SHB: variants seen among roughly 807,000 people sequenced by gnomAD.
SHB encodes SH2 domain-containing adapter protein B.
SHB carries 20 observed loss-of-function variants against 52.3 expected under a neutral mutation model. The ratio of observed to expected loss-of-function variants is 0.38; its 90% CI spans 0.27 to 0.56. SHB has a LOEUF of 0.56. Among genes scored for constraint, SHB ranks in the 20% least tolerant of loss-of-function variants. The pLI, the probability that SHB is intolerant of heterozygous loss-of-function variation, is 0.71. For missense variants in SHB, 825 were observed against 723.3 expected, an observed-to-expected ratio of 1.14 and a Z score of -1.61; for synonymous variants, 397 against 316.5, an observed-to-expected ratio of 1.25 and a Z score of -2.70.
intron 2 of SHB, among the ~76,000 whole-genome samples, chr9:38,012,044 G>A (rs58800747): frequency 7.2e-5 from 11 of 152,274 alleles, no homozygotes; most frequent in African/African-American, 2.6e-4. Flanking sequence ...GATAAGCTGA[G>A]GCATTTAGAG....
intron 2 of SHB, among the ~76,000 whole-genome samples, chr9:38,004,119 G>A (rs989682807): frequency 1.3e-5 from 2 of 152,172 alleles, no homozygotes; most frequent in South Asian, 2.1e-4. Flanking sequence ...CAGCTGTTGC[G>A]GAAGCCTCTG....
intron 2 of SHB, 30 bp from the exon 3 acceptor site, chr9:37,974,867 G>A (rs188090973): frequency 1.3e-6 from 2 of 1,563,064 alleles, no homozygotes; most frequent in Non-Finnish European, 1.8e-6. Flanking sequence ...AAGCAGAGAT[G>A]AAATGGATAC....
At position 38,027,451 on chromosome 9, in the gene SHB, T is replaced by C. The variant is rs1474644580; in HGVS notation, c.718-11320A>G. 2.0e-5 allele frequency among the ~76,000 whole-genome samples: 3 copies of C among 152,068 alleles called. No individual in the cohort carries two copies. The East Asian group carries it at 5.8e-4, about 29-fold the overall frequency. ...CACAGAAAAGATGCTGCTCTTATCCTCTAGAGGCCACAGGCCATGCCTTTT... is the reference window on the plus strand; with the variant it reads ...CACAGAAAAGATGCTGCTCTTATCCCCTAGAGGCCACAGGCCATGCCTTTT... On this transcript the variant is annotated intron_variant, in intron 1 of 5. Transcript: ENST00000377707.
At chr9:38,063,497 TC>T (rs1303311842) in intron 1 of SHB, among the ~76,000 whole-genome samples, 1 of 152,166 alleles carries the variant, frequency 6.6e-6, no homozygotes, top group Non-Finnish European at 1.5e-5. Flanking sequence ...TCTTCCCCAC[TC>T]CCCTGCCTTG....
chr9:38,006,190 C>T (rs1385284987), intron 2 of SHB, among the ~76,000 whole-genome samples: 3 of 152,170 alleles, frequency 2.0e-5, no homozygotes, highest in East Asian at 1.9e-4. Flanking sequence ...GTGGGCCCTT[C>T]CACCACACCT....
intron 3 of SHB, among the ~76,000 whole-genome samples, chr9:37,958,050 G>C (rs142852370): frequency 1.2e-4 from 18 of 152,336 alleles, no homozygotes; most frequent in African/African-American, 4.1e-4. Context: ...GTTCTGACTG[G>C]GCGCTTCCTT....
intron 1 of SHB, among the ~76,000 whole-genome samples, chr9:38,019,295 A>G (rs1471605915): frequency 6.6e-6 from 1 of 152,208 alleles, no homozygotes; most frequent in Admixed American, 6.5e-5. Flanking sequence ...CAGGGCTTCC[A>G]CAGGTTTGTC....
At chr9:38,043,826 T>G (rs1435583680) in intron 1 of SHB, among the ~76,000 whole-genome samples, 1 of 150,132 alleles carries the variant, frequency 6.7e-6, no homozygotes, top group African/African-American at 2.5e-5. Flanking sequence ...GAGGTGGAGG[T>G]TGAGGTGAGC....
chr9:37,951,283 T>A (rs1832564018), intron 4 of SHB, among the ~76,000 whole-genome samples: 1 of 152,194 alleles, frequency 6.6e-6, no homozygotes, highest in South Asian at 2.1e-4. Context: ...ACAGACCCCT[T>A]TCTTTCTAAA....
intron 2 of SHB, among the ~76,000 whole-genome samples, chr9:37,994,386 T>C (rs1158144860): frequency 6.6e-6 from 1 of 152,232 alleles, no homozygotes; most frequent in Non-Finnish European, 1.5e-5. Context: ...TTAGAATAAA[T>C]GCAAATGTAA....
intron 5 of SHB, among the ~76,000 whole-genome samples, chr9:37,935,641 G>C (rs1256125112): frequency 6.6e-6 from 1 of 152,124 alleles, no homozygotes; most frequent in Non-Finnish European, 1.5e-5. Flanking sequence ...CAACGATCCT[G>C]AGATGTAGGA....
chr9:37,919,793 G>A lies in SHB; in HGVS notation c.*28C>T. On this transcript the variant is annotated 3_prime_UTR_variant, in exon 6 of 6. Coordinates refer to ENST00000377707, the MANE Select transcript of SHB (RefSeq NM_003028.3). ...CTGGCACCTCCAAGTCTCAGGCTCTGTCACAGAGCAGGGCAGGTCTGGTCC... is the reference window on the plus strand; with the variant it reads ...CTGGCACCTCCAAGTCTCAGGCTCTATCACAGAGCAGGGCAGGTCTGGTCC... The A allele has an allele frequency of 6.3e-7, 1 of 1,599,214 alleles. No homozygotes were observed. The highest frequency in any genetic ancestry group is 8.6e-7 in the Non-Finnish European group (1 of 1,168,834).
intron 2 of SHB, among the ~76,000 whole-genome samples, chr9:38,014,296 G>A (rs1018963553): frequency 6.6e-5 from 10 of 152,216 alleles, no homozygotes; most frequent in African/African-American, 1.9e-4. Flanking sequence ...CGGAGCCAAC[G>A]CCTGCTGAAT....
intron 1 of SHB, among the ~76,000 whole-genome samples, chr9:38,044,570 C>A (rs1821623675): frequency 6.6e-6 from 1 of 152,312 alleles, no homozygotes; most frequent in East Asian, 1.9e-4. Flanking sequence ...CCACCTGCCA[C>A]TGAGGAGAAT....
chr9:37,970,348 G>T (rs956483714), intron 3 of SHB, among the ~76,000 whole-genome samples: 6 of 152,092 alleles, frequency 3.9e-5, no homozygotes, highest in African/African-American at 1.4e-4. Context: ...TAAGAAGTTG[G>T]GGCCACCTCA....
chr9:37,961,774 A>C (rs1353601889), intron 3 of SHB, among the ~76,000 whole-genome samples: 1 of 152,240 alleles, frequency 6.6e-6, no homozygotes, highest in African/African-American at 2.4e-5. Context: ...CCCCAGGTAG[A>C]ATTCCTTTCT....
chr9:38,049,788 T>A (rs1821715668), intron 1 of SHB, among the ~76,000 whole-genome samples: 1 of 150,552 alleles, frequency 6.6e-6, no homozygotes, highest in Non-Finnish European at 1.5e-5. Context: ...TTTCAGCAGG[T>A]ACCATGGGTA....
intron 2 of SHB, among the ~76,000 whole-genome samples, chr9:37,993,236 C>T (rs1050358030): frequency 6.6e-6 from 1 of 151,890 alleles, no homozygotes; most frequent in Admixed American, 6.6e-5. Context: ...AGGGAGAGTG[C>T]GATGGGAACG....
intron 3 of SHB, 107 bp downstream of exon 3, chr9:37,974,515 T>C (rs1820628902): frequency 1.1e-6 from 1 of 925,500 alleles, no homozygotes; most frequent in Non-Finnish European, 1.7e-6. Flanking sequence ...ACCACCCAAC[T>C]GGATTATTAA....
Sources: allele counts gnomAD v4.1 joint callset (sites outside exome capture counted in the v4.1 genomes callset), GRCh38; gene constraint gnomAD v4.1.1; transcripts MANE v1.5; gene names NCBI Gene and HGNC (gene_info 2026-07-23, HGNC 2026-07-21).